Variants in NAV2 observed in about 807,000 individuals in gnomAD.
NAV2 encodes neuron navigator 2, also known as helicase, APC down-regulated 1.
Under a neutral mutation model 223.2 loss-of-function variants are expected in NAV2, and 54 were observed. The observed-to-expected ratio is 0.24, with a 90% confidence interval of 0.19 to 0.30. NAV2 has a LOEUF of 0.30. NAV2 is among the 10% of genes least tolerant of loss of function. The pLI is 1.00. For missense variants in NAV2, 2,806 were observed against 3,147.5 expected, an observed-to-expected ratio of 0.89 and a Z score of 2.60; for synonymous variants, 1,279 against 1,239.3, an observed-to-expected ratio of 1.03 and a Z score of -0.67.
chr11:19,629,580 G>A (rs1240969203), intron 1 of NAV2, among the ~76,000 whole-genome samples: 1 of 116,348 alleles, frequency 8.6e-6, no homozygotes, highest in Non-Finnish European at 1.7e-5. Context: ...CACACACACA[G>A]CCTAGGAGAA....
At chr11:19,491,119 C>T (rs892629446) in intron 1 of NAV2, among the ~76,000 whole-genome samples, 1 of 152,010 alleles carries the variant, frequency 6.6e-6, no homozygotes, top group Admixed American at 6.6e-5. Flanking sequence ...TTTGTCATTC[C>T]ATTTACTGAG....
At chr11:19,635,898 C>T (rs2047484965) in intron 1 of NAV2, among the ~76,000 whole-genome samples, 1 of 152,138 alleles carries the variant, frequency 6.6e-6, no homozygotes, top group African/African-American at 2.4e-5. Flanking sequence ...GATAGGTGAG[C>T]AGAGGGTATT....
At chr11:20,100,854 G>T (rs893721257) in intron 31 of NAV2, 83 bp from the exon 32 acceptor site, 8 of 1,173,614 alleles carry the variant, frequency 6.8e-6, no homozygotes, top group Non-Finnish European at 1.0e-5. Context: ...ATCACCTCAG[G>T]TCTTGGCAGT....
chr11:19,818,725 T>C (rs2059232494), intron 1 of NAV2, among the ~76,000 whole-genome samples: 1 of 152,194 alleles, frequency 6.6e-6, no homozygotes, highest in South Asian at 2.1e-4. Context: ...GCATCCACCG[T>C]CGGGTGGGTC....
intron 6 of NAV2, among the ~76,000 whole-genome samples, chr11:19,899,730 A>G (rs1226973079): frequency 6.6e-6 from 1 of 152,198 alleles, no homozygotes; most frequent in Non-Finnish European, 1.5e-5. Context: ...ACTTCCGAGA[A>G]GTGATATCAT....
intron 1 of NAV2, among the ~76,000 whole-genome samples, chr11:19,818,501 T>C (rs2059220604): frequency 6.6e-6 from 1 of 152,152 alleles, no homozygotes; most frequent in African/African-American, 2.4e-5. Context: ...TAAAATACAG[T>C]AAAATAATTA....
At chr11:19,681,157 C>G (rs1042096315) in intron 1 of NAV2, among the ~76,000 whole-genome samples, 6 of 152,208 alleles carry the variant, frequency 3.9e-5, no homozygotes, top group Non-Finnish European at 7.3e-5. Flanking sequence ...CTGAAATGAT[C>G]TAGCTTCTGG....
intron 1 of NAV2, among the ~76,000 whole-genome samples, chr11:19,428,965 T>C (rs1482134000): frequency 6.6e-6 from 1 of 152,208 alleles, no homozygotes; most frequent in Non-Finnish European, 1.5e-5. Flanking sequence ...CTAGCTCCAC[T>C]ACACAGCCAA....
intron 14 of NAV2, among the ~76,000 whole-genome samples, 198 bp from the exon 15 acceptor site, chr11:20,048,530 G>C (rs773555460): frequency 6.6e-6 from 1 of 152,116 alleles, no homozygotes. Flanking sequence ...ATTTGAAGAC[G>C]GCAGCCTGTG....
At chr11:19,623,062 C>T (rs140624230) in intron 1 of NAV2, among the ~76,000 whole-genome samples, 5,541 of 152,202 alleles carry the variant, frequency 0.036, 152 homozygotes, top group Admixed American at 0.073. Flanking sequence ...GGGTTGAAAA[C>T]TCTTTTCTTT....
Position 19,804,122 on chromosome 11 carries a change from ATG to A in NAV2, c.268-28352_268-28351del, listed in dbSNP as rs2058420190. Among the ~76,000 whole-genome samples the A allele has an allele frequency of 5.3e-5, 8 of 152,038 alleles. No individual in the cohort carries two copies. In the South Asian group the frequency reaches 1.7e-3, roughly 32 times the overall value. On this transcript the variant is annotated intron_variant, in intron 1 of 37. Coordinates refer to ENST00000349880, the MANE Select transcript of NAV2 (RefSeq NM_145117.5). ...CACTAAAGAGAGCAGGTGTGTGTGT[ATG>A]TGTGTGTGTCCTTCAGGTCTCTGCA...
chr11:19,506,152 C>T (rs2043117531), intron 1 of NAV2: 1 of 152,298 alleles, frequency 6.6e-6, no homozygotes, highest in Admixed American at 6.5e-5. Flanking sequence ...CTCTTCTGCA[C>T]TTCAGGATTG....
intron 10 of NAV2, chr11:19,981,292 T>G (rs1045474473): frequency 6.6e-6 from 1 of 152,148 alleles, no homozygotes; most frequent in African/African-American, 2.4e-5. Flanking sequence ...TTTCTGGGGT[T>G]GTCGTTTTCT....
chr11:19,558,298 A>G (rs922169228), intron 1 of NAV2, among the ~76,000 whole-genome samples: 5 of 152,288 alleles, frequency 3.3e-5, no homozygotes, highest in African/African-American at 1.2e-4. Flanking sequence ...TCCTCATGTG[A>G]TGTTGGCTGG....
intron 1 of NAV2, among the ~76,000 whole-genome samples, chr11:19,400,683 A>G (rs1356057324): frequency 6.6e-6 from 1 of 152,204 alleles, no homozygotes; most frequent in Non-Finnish European, 1.5e-5. Flanking sequence ...CTTCTTCAAG[A>G]CACTACTGTC....
At chr11:19,708,490 C>T (rs886327360), upstream of NAV2, among the ~76,000 whole-genome samples, 3 of 152,120 alleles carry the variant, frequency 2.0e-5, no homozygotes, top group South Asian at 4.1e-4. Flanking sequence ...ACAGGCTGGG[C>T]CTTAGATGTT....
At chr11:19,916,208 C>T (rs2043792399) in intron 6 of NAV2, among the ~76,000 whole-genome samples, 1 of 152,090 alleles carries the variant, frequency 6.6e-6, no homozygotes, top group Non-Finnish European at 1.5e-5. Flanking sequence ...TACCAAAAGC[C>T]AGTAACATCC....
intron 37 of NAV2, among the ~76,000 whole-genome samples, chr11:20,116,129 A>G (rs1420796414): frequency 2.6e-5 from 4 of 152,338 alleles, no homozygotes; most frequent in South Asian, 2.1e-4. Flanking sequence ...CTTGGCAGGC[A>G]TAGCAAAAAG....
intron 6 of NAV2, among the ~76,000 whole-genome samples, chr11:19,928,068 G>C (rs538230849): frequency 2.6e-5 from 4 of 152,162 alleles, no homozygotes; most frequent in African/African-American, 9.6e-5. Context: ...CTTCTGGTTT[G>C]ATTTCTATTT....
Sources: gnomAD v4.1 joint callset for allele counts (sites outside exome capture counted in the v4.1 genomes callset) on GRCh38, gnomAD v4.1.1 for gene constraint, MANE v1.5 for transcripts, NCBI Gene and HGNC (gene_info 2026-07-23, HGNC 2026-07-21) for gene names.